The following TULP4 variants were observed in gnomAD, a reference collection of about 807,000 sequenced individuals.
TULP4 encodes the protein TUB like protein 4.
Under a neutral mutation model 129.0 loss-of-function variants are expected in TULP4, and 16 were observed. The observed-to-expected ratio is 0.12, with a 90% confidence interval of 0.08 to 0.19. TULP4 has a LOEUF of 0.19. Ranked by LOEUF, TULP4 falls within the 10% of genes least tolerant of loss-of-function variation. TULP4 has a pLI of 1.00. For synonymous variants in TULP4, 998 were observed against 854.0 expected (o/e 1.17, Z -2.94); for missense variants, 1,842 against 2,059.1 (o/e 0.89, Z 2.04).
rs1300347396 is a variant in TULP4, at chr6:158,502,411, C to T, written c.2748C>T (p.Leu916=). The T allele has an allele frequency of 6.8e-6, 11 of 1,613,738 alleles. No homozygotes were observed. The highest frequency in any genetic ancestry group is 2.2e-5 in the South Asian group (2 of 91,058). Residue 916 remains leucine, a synonymous_variant, in exon 13 of 14, where the codon CTC becomes CTT. Transcript: ENST00000367097. The part of the protein sequence containing the change: ...RMLCSQNTYT[L]PGPGSSATLR... ...TGTGCTCCCAGAACACGTACACCCT[C>T]CCCGGCCCGGGTAGCTCTGCCACCT... is the stretch of plus-strand genomic sequence containing the variant.
At chr6:158,442,946 T>C (rs1180387488) in intron 3 of TULP4, among the ~76,000 whole-genome samples, 1 of 151,852 alleles carries the variant, frequency 6.6e-6, no homozygotes, top group African/African-American at 2.4e-5. Context: ...CCCAACCAAG[T>C]AGTTGGGATT....
intron 1 of TULP4, among the ~76,000 whole-genome samples, chr6:158,400,673 ACT>A (rs1777821992): frequency 6.6e-6 from 1 of 151,016 alleles, no homozygotes; most frequent in African/African-American, 2.4e-5. Context: ...TTTTATTTTC[ACT>A]CTTTGGTTTT....
chr6:158,372,708 C>T (rs1007375628), intron 1 of TULP4, among the ~76,000 whole-genome samples: 1 of 152,090 alleles, frequency 6.6e-6, no homozygotes, highest in Non-Finnish European at 1.5e-5. Context: ...GAGCTCATGG[C>T]CCCCATTGGC....
chr6:158,507,725 T>A lies in TULP4; in HGVS notation c.*1031T>A, dbSNP rs1780636743. ...ATCTTTCCCATGAGATACCATGTTC[T>A]ATGCCTTCCCATTCTAAAAGTGTGG... On this transcript the variant is annotated 3_prime_UTR_variant, in exon 14 of 14. Coordinates refer to ENST00000367097, the MANE Select transcript of TULP4 (RefSeq NM_020245.5). 6.6e-6 allele frequency: 1 copy of A among 152,258 alleles called. No homozygotes were observed. Among genetic ancestry groups the A allele is most frequent in the African/African-American group, 2.4e-5 (1 of 41,470 alleles). The allele number at this position is 152,258 out of a possible 1,614,324, so 9.4% of individuals were successfully genotyped here.
chr6:158,259,535 C>T (rs262826), intron 1 of TULP4, among the ~76,000 whole-genome samples: 69,695 of 151,898 alleles, frequency 0.46, 16,317 homozygotes, highest in East Asian at 0.54. Context: ...ATTTATTTAT[C>T]GCAGTTTTGA....
chr6:158,364,570 A>G (rs1346648399), intron 1 of TULP4, among the ~76,000 whole-genome samples: 1 of 152,132 alleles, frequency 6.6e-6, no homozygotes, highest in Non-Finnish European at 1.5e-5. Context: ...AACTTTGAAA[A>G]TATGATGTTA....
intron 1 of TULP4, among the ~76,000 whole-genome samples, chr6:158,354,151 G>A (rs1780588443): frequency 6.6e-6 from 1 of 152,122 alleles, no homozygotes; most frequent in South Asian, 2.1e-4. Context: ...GTAACCTTAG[G>A]GAATTTTACT....
intron 1 of TULP4, chr6:158,397,887 G>A (rs1479621697): frequency 6.6e-6 from 1 of 152,228 alleles, no homozygotes; most frequent in Non-Finnish European, 1.5e-5. Flanking sequence ...CAATTTACCT[G>A]TTCCTGGGGC....
chr6:158,348,693 C>T lies in TULP4; in HGVS notation c.252+34425C>T, dbSNP rs915703626. Among the ~76,000 whole-genome samples, 10 of 151,872 alleles carry T rather than the reference C, an allele frequency of 6.6e-5. No homozygotes were observed. The East Asian group carries it at 9.7e-4, about 15-fold the overall frequency. The stretch of plus-strand genomic sequence containing the variant: ...CCGTTCTCGATGGTCGCTGTCTCTT[C>T]GGAGCTGTTGGGTACACCTCCCAGA... On this transcript the variant is annotated intron_variant, in intron 1 of 13. Transcript: ENST00000367097.
intron 1 of TULP4, among the ~76,000 whole-genome samples, chr6:158,240,050 C>A (rs1376247347): frequency 1.7e-5 from 2 of 115,756 alleles, no homozygotes; most frequent in African/African-American, 3.0e-5. Flanking sequence ...GGCTGACCCC[C>A]CCACCTCCCT....
At chr6:158,297,945 G>A (rs1280831509) in intron 1 of TULP4, among the ~76,000 whole-genome samples, 4 of 152,084 alleles carry the variant, frequency 2.6e-5, no homozygotes, top group Non-Finnish European at 4.4e-5. Context: ...TATCTCAACC[G>A]CATAAGACAG....
At chr6:158,382,391 T>A (rs1348346384) in intron 1 of TULP4, among the ~76,000 whole-genome samples, 1 of 152,186 alleles carries the variant, frequency 6.6e-6, no homozygotes, top group African/African-American at 2.4e-5. Flanking sequence ...TTGTAATTGC[T>A]TCATAATTGA....
At chr6:158,308,608 G>A (rs555506296), upstream of TULP4, among the ~76,000 whole-genome samples, 114 of 150,864 alleles carry the variant, frequency 7.6e-4, no homozygotes, top group African/African-American at 2.6e-3. Flanking sequence ...CCTCCCGGAC[G>A]GGGCGGCTGG....
At chr6:158,353,737 C>A (rs1780579540) in intron 1 of TULP4, among the ~76,000 whole-genome samples, 1 of 152,206 alleles carries the variant, frequency 6.6e-6, no homozygotes, top group Non-Finnish European at 1.5e-5. Context: ...GCACTTTTAT[C>A]TTCTATCTTT....
In TULP4 at chr6:158,420,401, G is replaced by T. The variant is rs183292797; in HGVS notation, c.381+7208G>T. ...ACAGATTTCCAGTGTCAGGCATGAT[G>T]ATTATAGACCACGATCTCTGAACAC... On this transcript the variant is annotated intron_variant, in intron 2 of 13. Coordinates refer to ENST00000367097, the MANE Select transcript of TULP4 (RefSeq NM_020245.5). 1.8e-4 allele frequency among the ~76,000 whole-genome samples: 27 copies of T among 152,340 alleles called. No individual in the cohort carries two copies. In the East Asian group the frequency reaches 5.2e-3, roughly 29 times the overall value.
At chr6:158,251,704 G>A (rs1008393773) in intron 1 of TULP4, among the ~76,000 whole-genome samples, 4 of 152,146 alleles carry the variant, frequency 2.6e-5, no homozygotes, top group African/African-American at 4.8e-5. Flanking sequence ...ATGACTGCTC[G>A]CATGCATTGA....
In TULP4 at chr6:158,313,276, CAG is replaced by C. The variant is rs1390865128; in HGVS notation, c.-740_-739del. The C allele has an allele frequency of 1.8e-5, 7 of 384,240 alleles. No individual in the cohort carries two copies. The highest frequency in any genetic ancestry group is 2.9e-4 in the South Asian group (2 of 6,892). The allele number at this position is 384,240 out of a possible 1,614,324, so 23.8% of individuals were successfully genotyped here. On this transcript the variant is annotated 5_prime_UTR_variant, in exon 1 of 14. It introduces an in-frame stop codon into an upstream open reading frame of the 5' UTR. Transcript: ENST00000367097. The stretch of plus-strand genomic sequence containing the variant: ...TGGAGCCCTGCGTTCCCCGGGGACA[CAG>C]GGCCAAGCTTTGAGGTGGAAAGTTT...
chr6:158,485,495 G>C (rs907626393), intron 8 of TULP4, among the ~76,000 whole-genome samples: 1 of 152,214 alleles, frequency 6.6e-6, no homozygotes, highest in Non-Finnish European at 1.5e-5. Context: ...AGAGGCTGTT[G>C]GACTTCTTAG....
At chr6:158,261,404 A>C (rs1032722600) in intron 1 of TULP4, among the ~76,000 whole-genome samples, 2 of 152,352 alleles carry the variant, frequency 1.3e-5, no homozygotes, top group Middle Eastern at 6.8e-3. Flanking sequence ...CCTTTCAGCC[A>C]TCACGCTCTA....
Sources: gnomAD v4.1 joint callset for allele counts (sites outside exome capture counted in the v4.1 genomes callset) on GRCh38, gnomAD v4.1.1 for gene constraint, MANE v1.5 for transcripts, NCBI Gene and HGNC (gene_info 2026-07-23, HGNC 2026-07-21) for gene names.